TJP1: variants seen among roughly 807,000 people sequenced by gnomAD.
TJP1 encodes the protein tight junction protein 1.
In TJP1, 43 loss-of-function variants were observed where a neutral mutation model predicts 194.2. The ratio of observed to expected loss-of-function variants is 0.22; its 90% CI spans 0.17 to 0.29. The LOEUF (loss-of-function observed/expected upper bound fraction) is 0.29, where lower values mean the gene tolerates loss of function less well. TJP1 is among the 10% of genes least tolerant of loss of function. TJP1 has a pLI of 1.00. For synonymous variants in TJP1, 801 were observed against 779.0 expected, an observed-to-expected ratio of 1.03 and a Z score of -0.47; for missense variants, 1,971 against 2,185.7, an observed-to-expected ratio of 0.90 and a Z score of 1.96.
intron 2 of TJP1, among the ~76,000 whole-genome samples, chr15:29,889,907 C>T (rs1423421266): frequency 6.6e-6 from 1 of 152,234 alleles, no homozygotes; most frequent in Non-Finnish European, 1.5e-5. Context: ...CTGCTAACCA[C>T]AGGAAAATGG....
chr15:29,946,971 T>C (rs545178862), intron 2 of TJP1, among the ~76,000 whole-genome samples: 4 of 152,342 alleles, frequency 2.6e-5, no homozygotes, highest in Non-Finnish European at 4.4e-5. Flanking sequence ...TAACTAAAAA[T>C]GCTACTGCAG....
intron 4 of TJP1, among the ~76,000 whole-genome samples, chr15:29,770,211 C>T (rs1301936774): frequency 1.3e-5 from 2 of 152,084 alleles, no homozygotes; most frequent in African/African-American, 2.4e-5. Flanking sequence ...CTTTGGGAGG[C>T]GGAGGCAGGC....
chr15:29,724,935 A>G (rs1307228091), intron 18 of TJP1, among the ~76,000 whole-genome samples: 2 of 152,236 alleles, frequency 1.3e-5, no homozygotes, highest in African/African-American at 4.8e-5. Context: ...GTGGATTTTA[A>G]AAAAGCCTCT....
intron 1 of TJP1, among the ~76,000 whole-genome samples, chr15:29,963,366 G>A (rs1317514737): frequency 6.6e-6 from 1 of 152,104 alleles, no homozygotes; most frequent in African/African-American, 2.4e-5. Flanking sequence ...GTATGAGTCT[G>A]AGCAAGTCAA....
intron 1 of TJP1, chr15:29,968,520 C>T (rs1702564616): frequency 1.2e-6 from 1 of 806,204 alleles, no homozygotes; most frequent in Non-Finnish European, 1.5e-6. Flanking sequence ...GCGCCCCGCG[C>T]GGCGCGCCCC....
chr15:29,718,576 T>C lies in TJP1; in HGVS notation c.3566A>G (p.Lys1189Arg), dbSNP rs1214861064. The change falls in exon 21 of 28, where the codon AAG becomes AGG. Residue 1189 changes from lysine (K) to arginine (R), a missense_variant. Lys to Arg is a conservative substitution (Grantham distance 26). Coordinates refer to ENST00000614355, the MANE Select transcript of TJP1 (RefSeq NM_001330239.4). ...PSAGPKPAESKQYFEQYSRSY... is the reference protein window; with the variant it reads ...PSAGPKPAESRQYFEQYSRSY... ...GCGTGAATATTGCTCAAAATACTGC[T>C]TGGACTCTGCAGGCTTGGGCCCTGC... 2.5e-6 allele frequency: 4 copies of C among 1,614,142 alleles called. No homozygotes were observed. The highest frequency in any genetic ancestry group is 2.5e-6 in the Non-Finnish European group (3 of 1,180,028).
chr15:29,710,955 C>T lies in TJP1; in HGVS notation c.4248G>A (p.Glu1416=). 7 of 1,614,070 alleles carry T rather than the reference C, an allele frequency of 4.3e-6. No individual in the cohort carries two copies. The highest frequency in any genetic ancestry group is 5.9e-6 in the Non-Finnish European group (7 of 1,180,000). ...TGGCCTGGATGGGTTCATAGCGTTTCTCGCCAAATGATCTATCCACACCAT... is the reference window on the plus strand; with the variant it reads ...TGGCCTGGATGGGTTCATAGCGTTTTTCGCCAAATGATCTATCCACACCAT... ...EADGVDRSFG[E]KRYEPIQATP... Residue 1416 remains glutamate, a synonymous_variant, in exon 24 of 28, where the codon GAG becomes GAA. Coordinates refer to ENST00000614355, the MANE Select transcript of TJP1 (RefSeq NM_001330239.4).
intron 2 of TJP1, chr15:29,956,194 T>C (rs2055934428): frequency 1.7e-6 from 2 of 1,175,460 alleles, no homozygotes; most frequent in Non-Finnish European, 2.2e-6. Flanking sequence ...TTTCATACTC[T>C]TTGGAAAAAT....
At chr15:29,760,219 G>A in intron 8 of TJP1, 1 of 702,272 alleles carries the variant, frequency 1.4e-6, no homozygotes, top group Non-Finnish European at 2.6e-6. Context: ...TCCAGAAATT[G>A]TATGCAATTG....
chr15:29,842,169 T>A (rs1366378823), intron 2 of TJP1, among the ~76,000 whole-genome samples: 2 of 152,194 alleles, frequency 1.3e-5, no homozygotes, highest in African/African-American at 4.8e-5. Flanking sequence ...AGCAGTTGTA[T>A]CATAGGTTCA....
chr15:29,740,467 C>A (rs2044338964), intron 10 of TJP1, among the ~76,000 whole-genome samples: 1 of 151,844 alleles, frequency 6.6e-6, no homozygotes, highest in South Asian at 2.1e-4. Flanking sequence ...CCCGTCTCTA[C>A]TAAAAATACA....
chr15:29,753,500 A>G (rs1315384398), intron 8 of TJP1, among the ~76,000 whole-genome samples: 3 of 151,314 alleles, frequency 2.0e-5, no homozygotes, highest in Non-Finnish European at 3.0e-5. Flanking sequence ...AAAAAAAAAA[A>G]AAAAAAAAAG....
intron 18 of TJP1, among the ~76,000 whole-genome samples, chr15:29,724,132 G>C (rs1381187088): frequency 2.6e-5 from 4 of 152,190 alleles, no homozygotes; most frequent in East Asian, 1.9e-4. Context: ...TGCCTGAATG[G>C]AGCTTTCCAC....
intron 9 of TJP1, 92 bp from the exon 10 acceptor site, chr15:29,741,528 G>T: frequency 2.5e-6 from 2 of 796,212 alleles, no homozygotes; most frequent in Non-Finnish European, 4.2e-6. Flanking sequence ...TAAGTTCAGA[G>T]AACCTGATGA....
chr15:29,808,788 T>C (rs573686635), intron 1 of TJP1, among the ~76,000 whole-genome samples: 15 of 152,266 alleles, frequency 9.9e-5, no homozygotes, highest in Admixed American at 9.2e-4. Context: ...AAAAATTGAA[T>C]ATCATCATTT....
At chr15:29,723,493 C>T (rs1348496864) in intron 18 of TJP1, among the ~76,000 whole-genome samples, 2 of 152,158 alleles carry the variant, frequency 1.3e-5, no homozygotes, top group Non-Finnish European at 2.9e-5. Flanking sequence ...CCTGTACAGC[C>T]CACAGAACTG....
intron 2 of TJP1, among the ~76,000 whole-genome samples, chr15:29,951,199 G>T (rs745536084): frequency 6.6e-6 from 1 of 151,548 alleles, no homozygotes; most frequent in Non-Finnish European, 1.5e-5. Context: ...ATGGAGTCTT[G>T]CTCTGTCACC....
At chr15:29,836,916 G>A (rs2152058324) in intron 2 of TJP1, among the ~76,000 whole-genome samples, 1 of 152,286 alleles carries the variant, frequency 6.6e-6, no homozygotes, top group Non-Finnish European at 1.5e-5. Context: ...AGCCCTCAAA[G>A]ACACCAAACC....
intron 2 of TJP1, among the ~76,000 whole-genome samples, chr15:29,786,336 T>G (rs139060114): frequency 1.1e-4 from 16 of 152,316 alleles, no homozygotes; most frequent in African/African-American, 3.4e-4. Context: ...GACTGTCATT[T>G]TCTCTATAAA....
Sources: gnomAD v4.1 joint callset for allele counts (sites outside exome capture counted in the v4.1 genomes callset) on GRCh38, gnomAD v4.1.1 for gene constraint, MANE v1.5 for transcripts, NCBI Gene and HGNC (gene_info 2026-07-23, HGNC 2026-07-21) for gene names.